Variants in MSL2 observed in about 807,000 individuals in gnomAD.
The protein encoded by MSL2 is MSL complex subunit 2.
In MSL2, 2 loss-of-function variants were observed where a neutral mutation model predicts 35.8. The observed-to-expected ratio is 0.06, with a 90% CI of 0.02 to 0.18. The LOEUF is 0.18. Among genes scored for constraint, MSL2 ranks in the 10% least tolerant of loss-of-function variants. The pLI is 1.00. For missense variants in MSL2, 523 were observed against 706.7 expected, an observed-to-expected ratio of 0.74 and a Z score of 2.95; for synonymous variants, 296 against 255.7, an observed-to-expected ratio of 1.16 and a Z score of -1.50.
chr3:136,187,904 A>G (rs528696348), intron 1 of MSL2, among the ~76,000 whole-genome samples: 8 of 152,072 alleles, frequency 5.3e-5, no homozygotes, highest in African/African-American at 1.9e-4. Context: ...ATAAGCTTTT[A>G]GGTGATTTTG....
chr3:136,186,996 A>C (rs1940542567), intron 1 of MSL2, among the ~76,000 whole-genome samples: 1 of 152,192 alleles, frequency 6.6e-6, no homozygotes, highest in Non-Finnish European at 1.5e-5. Context: ...TGACCAAAAA[A>C]AAATGTCCAT....
At chr3:136,169,212 T>TTTGTTG (rs34080158) in intron 1 of MSL2, among the ~76,000 whole-genome samples, 2 of 87,602 alleles carry the variant, frequency 2.3e-5, no homozygotes, top group African/African-American at 3.8e-5. Flanking sequence ...ATGGCTTGTT[T>TTTGTTG]TTGTTGTTGT....
At chr3:136,159,354 C>CTTTTTTTTTTTTTTTTTTTTTTT (rs71157361) in intron 1 of MSL2, among the ~76,000 whole-genome samples, 2 of 70,064 alleles carry the variant, frequency 2.9e-5, no homozygotes, top group African/African-American at 1.1e-4. Context: ...AGAGTACTTT[C>CTTTTTTTTTTTTTTTTTTTTTTT]TTTTTTTTTT....
At chr3:136,159,504 C>T (rs931028133) in intron 1 of MSL2, among the ~76,000 whole-genome samples, 1 of 150,230 alleles carries the variant, frequency 6.7e-6, no homozygotes, top group Admixed American at 6.6e-5. Flanking sequence ...GCTGGGACTA[C>T]AGGCGCCCGC....
In MSL2 at chr3:136,152,722, A is replaced by G; in HGVS notation, c.159T>C (p.Asp53=). The G allele has an allele frequency of 6.2e-7, 1 of 1,613,860 alleles. No homozygotes were observed. Among genetic ancestry groups the G allele is most frequent in the Non-Finnish European group, 8.5e-7 (1 of 1,179,792 alleles). Residue 53 remains aspartate (D), a synonymous_variant, in exon 2 of 2, where the codon GAT becomes GAC. Transcript: ENST00000309993. ...SCCVCGHLLQ[D]PIAPTNSTCQ... ...AGGTGGAGTTGGTGGGTGCAATAGG[A>G]TCTTGTAGCAAATGTCCTAAGGGGG...
At chr3:136,194,002 TTATC>T (rs916732673) in intron 1 of MSL2, among the ~76,000 whole-genome samples, 1 of 152,192 alleles carries the variant, frequency 6.6e-6, no homozygotes, top group Non-Finnish European at 1.5e-5. Flanking sequence ...TCTTCTTCCT[TTATC>T]TACTTTTAAA....
At chr3:136,166,674 A>C (rs141987688) in intron 1 of MSL2, among the ~76,000 whole-genome samples, 1 of 152,202 alleles carries the variant, frequency 6.6e-6, no homozygotes, top group South Asian at 2.1e-4. Context: ...TTGAAGCAGC[A>C]TAAGTTTGAG....
At chr3:136,190,933 G>C (rs1334198374) in intron 1 of MSL2, among the ~76,000 whole-genome samples, 1 of 152,158 alleles carries the variant, frequency 6.6e-6, no homozygotes, top group South Asian at 2.1e-4. Context: ...AGAAGCTTCA[G>C]AAGGTTTAAA....
At chr3:136,154,934 C>T (rs1299838988) in intron 1 of MSL2, among the ~76,000 whole-genome samples, 4 of 152,040 alleles carry the variant, frequency 2.6e-5, no homozygotes, top group Non-Finnish European at 5.9e-5. Flanking sequence ...CTGGGCAGGG[C>T]GCAGTGGCTC....
intron 1 of MSL2, among the ~76,000 whole-genome samples, chr3:136,176,641 T>C (rs1233590505): frequency 6.6e-6 from 1 of 151,186 alleles, no homozygotes; most frequent in Non-Finnish European, 1.5e-5. Flanking sequence ...CCTGGGCAAC[T>C]GAGTGAGACC....
chr3:136,190,635 T>TA (rs1287581412), intron 1 of MSL2, among the ~76,000 whole-genome samples: 3 of 152,204 alleles, frequency 2.0e-5, no homozygotes, highest in African/African-American at 4.8e-5. Flanking sequence ...CCATTTAACA[T>TA]GACCCTCCAA....
chr3:136,195,006 A>C lies in MSL2; in HGVS notation c.108T>G (p.Pro36=). The C allele has an allele frequency of 1.9e-6, 3 of 1,613,926 alleles. No individual in the cohort carries two copies. Among genetic ancestry groups the C allele is most frequent in the Non-Finnish European group, 2.5e-6 (3 of 1,179,984 alleles). ...AGCACGAAAGGGACTGTCGGAAGTA[A>C]GGCAAGAGCCTGTTAATCTCAGTAA... ...KAFTEINRLL[P]YFRQSLSCCV... The change falls in exon 1 of 2, where the codon CCT becomes CCG. Residue 36 remains proline, a synonymous_variant. Coordinates refer to ENST00000309993, the MANE Select transcript of MSL2 (RefSeq NM_018133.4).
Position 136,159,354 on chromosome 3 carries a change from C to CTTTTTTTTTTTTTTT in MSL2, c.143-6631_143-6617dup, listed in dbSNP as rs71157361. 8.1e-4 allele frequency among the ~76,000 whole-genome samples: 57 copies of CTTTTTTTTTTTTTTT among 70,064 alleles called. 5 individuals are homozygous for CTTTTTTTTTTTTTTT. The highest frequency in any genetic ancestry group is 3.1e-3 in the African/African-American group (55 of 18,012). 46.0% of individuals were successfully genotyped at this position (70,064 alleles called of 152,430 possible). ...TTCAATGGGGAAAGGAGAGTACTTT[C>CTTTTTTTTTTTTTTT]TTTTTTTTTTTTTTTTTTTTTTTTT... On this transcript the variant is annotated intron_variant, in intron 1 of 1. Coordinates refer to ENST00000309993, the MANE Select transcript of MSL2 (RefSeq NM_018133.4).
At chr3:136,156,551 C>T (rs1352605653) in intron 1 of MSL2, among the ~76,000 whole-genome samples, 2 of 152,174 alleles carry the variant, frequency 1.3e-5, no homozygotes, top group African/African-American at 4.8e-5. Context: ...GCCTCAATAT[C>T]CCCAACAAGA....
chr3:136,159,350 CTTTCTTTTTT>C, intron 1 of MSL2, among the ~76,000 whole-genome samples: 1 of 102,138 alleles, frequency 9.8e-6, no homozygotes, highest in South Asian at 3.3e-4. Context: ...AAGGAGAGTA[CTTTCTTTTTT>C]TTTTTTTTTT....
chr3:136,180,816 G>GGGAAGGAGGGAAGGAAGGAAGGAA (rs1940333901), intron 1 of MSL2, among the ~76,000 whole-genome samples: 10 of 53,630 alleles, frequency 1.9e-4, no homozygotes, highest in Admixed American at 1.3e-3. Flanking sequence ...GAGGGAAGGA[G>GGGAAGGAGGGAAGGAAGGAAGGAA]GGAAGGAAGG....
intron 1 of MSL2, among the ~76,000 whole-genome samples, chr3:136,189,099 C>G (rs1243366601): frequency 9.2e-6 from 1 of 108,966 alleles, no homozygotes; most frequent in African/African-American, 4.0e-5. Context: ...TGGTGAAACC[C>G]TGTCTCTACA....
intron 1 of MSL2, among the ~76,000 whole-genome samples, chr3:136,175,145 A>T (rs1365740410): frequency 6.6e-6 from 1 of 152,152 alleles, no homozygotes; most frequent in Non-Finnish European, 1.5e-5. Flanking sequence ...GGAGTTCGAT[A>T]CCAGCCTGAC....
intron 1 of MSL2, among the ~76,000 whole-genome samples, chr3:136,174,438 T>C (rs531763658): frequency 3.9e-5 from 6 of 152,196 alleles, no homozygotes; most frequent in Admixed American, 6.5e-5. Flanking sequence ...TTTTAGCTTC[T>C]TGCCCCTTCC....
Sources: allele counts gnomAD v4.1 joint callset (sites outside exome capture counted in the v4.1 genomes callset), GRCh38; gene constraint gnomAD v4.1.1; transcripts MANE v1.5; gene names NCBI Gene and HGNC (gene_info 2026-07-23, HGNC 2026-07-21).